Variants in TMEM67 observed in about 807,000 individuals in gnomAD.
TMEM67 encodes the protein meckelin.
Under a neutral mutation model 136.6 loss-of-function variants are expected in TMEM67, and 124 were observed. That is an observed-to-expected ratio of 0.91 (90% confidence interval 0.78 to 1.05). The LOEUF (loss-of-function observed/expected upper bound fraction) is 1.05. Ranked by LOEUF, TMEM67 falls within the 50% of genes least tolerant of loss-of-function variation. The probability of loss-of-function intolerance (pLI) is 0.00; values close to 1 mark genes in which losing one functional copy is unlikely to be tolerated. For synonymous variants in TMEM67, 364 were observed against 390.5 expected (o/e 0.93, Z 0.80); for missense variants, 1,107 against 1,178.4 (o/e 0.94, Z 0.89).
intron 23 of TMEM67, among the ~76,000 whole-genome samples, chr8:93,805,131 C>T (rs1006355168): frequency 6.6e-6 from 1 of 152,118 alleles, no homozygotes; most frequent in Non-Finnish European, 1.5e-5. Flanking sequence ...TGCCACTACA[C>T]CCGGCTAATT....
chr8:93,785,126 T>C (rs1231547816), intron 11 of TMEM67, 96 bp from the exon 12 acceptor site: 3 of 825,046 alleles, frequency 3.6e-6, no homozygotes, highest in Admixed American at 2.0e-5. Flanking sequence ...TAAATATGCT[T>C]GCTAATTTTC....
intron 3 of TMEM67, chr8:93,762,852 A>G (rs1812911436): frequency 5.8e-6 from 2 of 342,202 alleles, no homozygotes; most frequent in African/African-American, 4.3e-5. Flanking sequence ...TGTTTCATAC[A>G]CAAATATTGT....
intron 7 of TMEM67, among the ~76,000 whole-genome samples, chr8:93,779,472 G>C (rs1813710491): frequency 6.6e-6 from 1 of 152,094 alleles, no homozygotes; most frequent in African/African-American, 2.4e-5. Flanking sequence ...TTCTGCTCTG[G>C]TTTCTCCCCA....
At chr8:93,819,758 G>A (rs1442215571), downstream of TMEM67, among the ~76,000 whole-genome samples, 1 of 152,122 alleles carries the variant, frequency 6.6e-6, no homozygotes, top group African/African-American at 2.4e-5. Context: ...GGGCACTACG[G>A]GCAGTTTGAA....
the TMEM67 span, among the ~76,000 whole-genome samples, chr8:93,830,484 A>G: frequency 4.9e-3 from 747 of 152,238 alleles, 1 homozygote; most frequent in African/African-American, 0.017. Context: ...AGCGGGGGTG[A>G]TCTTGGGGAC....
chr8:93,808,508 A>AT (rs1808547148), intron 23 of TMEM67, among the ~76,000 whole-genome samples: 15 of 71,996 alleles, frequency 2.1e-4, no homozygotes, highest in Middle Eastern at 8.6e-3. Context: ...TTATAGATGA[A>AT]TATATATATT....
chr8:93,756,691 A>G (rs1812586510), intron 2 of TMEM67: 1 of 152,168 alleles, frequency 6.6e-6, no homozygotes. Context: ...ATCCTAGCTG[A>G]ATTACCCATG....
chr8:93,819,134 T>G (rs1207909179), downstream of TMEM67: 1 of 453,122 alleles, frequency 2.2e-6, no homozygotes. Flanking sequence ...GCTTTTAACA[T>G]TGAGTAAACT....
At chr8:93,764,564 T>C (rs1353781134) in intron 4 of TMEM67, among the ~76,000 whole-genome samples, 2 of 151,956 alleles carry the variant, frequency 1.3e-5, no homozygotes, top group African/African-American at 4.8e-5. Flanking sequence ...TTTAAGCACA[T>C]TATACCAATT....
In TMEM67 at chr8:93,809,855, T is replaced by C; in HGVS notation, c.2732T>C (p.Met911Thr). Residue 911 changes from methionine to threonine, a missense_variant, in exon 26 of 28, where the codon ATG becomes ACG. Physicochemically the swap from Met to Thr is moderately conservative, Grantham distance 81. Coordinates refer to ENST00000453321, the MANE Select transcript of TMEM67 (RefSeq NM_153704.6). ...GAAAGAATTCTTGGAATGGAATTCA[T>C]GGAACCAATGGAAAAAAGCATCTTT... ...LLERILGMEF[M>T]EPMEKSIFYN... 1 of 1,607,798 alleles carries C rather than the reference T, an allele frequency of 6.2e-7. No homozygotes were observed. The highest frequency in any genetic ancestry group is 8.5e-7 in the Non-Finnish European group (1 of 1,174,666).
intron 6 of TMEM67, among the ~76,000 whole-genome samples, chr8:93,768,664 A>G (rs905759644): frequency 6.6e-6 from 1 of 152,158 alleles, no homozygotes; most frequent in Non-Finnish European, 1.5e-5. Flanking sequence ...TTCTTAAGCA[A>G]TACTTCAGGG....
At chr8:93,818,225 A>G (rs1046204166), downstream of TMEM67, among the ~76,000 whole-genome samples, 1 of 152,320 alleles carries the variant, frequency 6.6e-6, no homozygotes, top group South Asian at 2.1e-4. Flanking sequence ...GTAGTACCCA[A>G]TCACTATACT....
the TMEM67 span, among the ~76,000 whole-genome samples, chr8:93,825,638 A>G: frequency 6.6e-6 from 1 of 152,218 alleles, no homozygotes; most frequent in Non-Finnish European, 1.5e-5. Context: ...AGGAGTTGAT[A>G]TCCATATAGC....
chr8:93,802,292 C>T (rs1325361684), intron 21 of TMEM67, among the ~76,000 whole-genome samples: 3 of 152,166 alleles, frequency 2.0e-5, no homozygotes, highest in African/African-American at 7.2e-5. Context: ...CTCACCTTTT[C>T]TTTAAGAGCC....
intron 21 of TMEM67, 129 bp downstream of exon 21, chr8:93,799,887 A>G: frequency 1.3e-6 from 1 of 765,864 alleles, no homozygotes. Context: ...GACAAGAACA[A>G]TAGCTAATGG....
intron 23 of TMEM67, 59 bp from the exon 24 acceptor site, chr8:93,808,781 T>C (rs1232160511): frequency 4.5e-6 from 5 of 1,119,178 alleles, no homozygotes; most frequent in Admixed American, 1.7e-5. Context: ...TGTATTTTCT[T>C]TTTGAGGCAG....
intron 16 of TMEM67, among the ~76,000 whole-genome samples, chr8:93,794,224 TA>T (rs1010990358): frequency 1.8e-4 from 28 of 152,180 alleles, no homozygotes; most frequent in African/African-American, 6.5e-4. Flanking sequence ...CATATCTGAA[TA>T]TTTTTTTTCA....
At chr8:93,755,428 C>A (rs1424496691) in intron 1 of TMEM67, among the ~76,000 whole-genome samples, 3 of 152,182 alleles carry the variant, frequency 2.0e-5, no homozygotes, top group Non-Finnish European at 4.4e-5. Context: ...CAGCATAATA[C>A]CAGCTGTGTG....
intron 7 of TMEM67, among the ~76,000 whole-genome samples, chr8:93,779,940 G>A (rs1348332818): frequency 2.0e-5 from 3 of 152,226 alleles, no homozygotes; most frequent in African/African-American, 7.2e-5. Flanking sequence ...CTCTGCAGAA[G>A]TTTCTGGTGC....
Sources: allele counts gnomAD v4.1 joint callset (sites outside exome capture counted in the v4.1 genomes callset), GRCh38; gene constraint gnomAD v4.1.1; transcripts MANE v1.5; gene names NCBI Gene and HGNC (gene_info 2026-07-23, HGNC 2026-07-21).